The following CEP63 variants were observed in gnomAD, a reference collection of about 807,000 sequenced individuals.
CEP63 encodes centrosomal protein 63, also known as centrosomal protein of 63 kDa.
In CEP63, 84 loss-of-function variants were observed where a neutral mutation model predicts 89.1. That is an observed-to-expected ratio of 0.94 (90% CI 0.79 to 1.13). CEP63 has a LOEUF of 1.13. CEP63 is among the 50% of genes most tolerant of loss of function. The pLI, the probability that CEP63 is intolerant of heterozygous loss-of-function variation, is 0.00. For synonymous variants in CEP63, 267 were observed against 272.5 expected (o/e 0.98, Z 0.20); for missense variants, 838 against 813.3 (o/e 1.03, Z -0.37).
chr3:134,756,687 A>G, the CEP63 span, among the ~76,000 whole-genome samples: 2 of 152,076 alleles, frequency 1.3e-5, no homozygotes, highest in Admixed American at 1.3e-4. Flanking sequence ...TCGTGAGGGG[A>G]GTCTAGTCCT....
the CEP63 span, among the ~76,000 whole-genome samples, chr3:134,704,090 C>G: frequency 8.5e-5 from 13 of 152,214 alleles, no homozygotes; most frequent in African/African-American, 3.1e-4. Context: ...CCATACTTTC[C>G]CAACCGCTGC....
chr3:134,729,079 T>C, the CEP63 span, among the ~76,000 whole-genome samples: 1 of 152,296 alleles, frequency 6.6e-6, no homozygotes, highest in South Asian at 2.1e-4. Context: ...TGTGGTAGGG[T>C]TTATTTTTAA....
intron 3 of CEP63, among the ~76,000 whole-genome samples, chr3:134,507,744 T>A (rs906677335): frequency 6.6e-6 from 1 of 152,062 alleles, no homozygotes; most frequent in African/African-American, 2.4e-5. Context: ...ACGTTTACCA[T>A]GTTGAAAATT....
At chr3:134,677,388 C>G in the CEP63 span, among the ~76,000 whole-genome samples, 1 of 152,244 alleles carries the variant, frequency 6.6e-6, no homozygotes, top group Non-Finnish European at 1.5e-5. Flanking sequence ...CCCTCTTCTT[C>G]TGGGTCCTGC....
intron 10 of CEP63, among the ~76,000 whole-genome samples, chr3:134,580,721 T>C (rs1293226839): frequency 3.3e-5 from 5 of 151,980 alleles, no homozygotes; most frequent in African/African-American, 1.2e-4. Flanking sequence ...CAATATGGGG[T>C]TTATCTCATA....
chr3:134,729,278 G>C, the CEP63 span, among the ~76,000 whole-genome samples: 1 of 152,168 alleles, frequency 6.6e-6, no homozygotes, highest in South Asian at 2.1e-4. Flanking sequence ...TTAAGTTCTT[G>C]TGTATTGTTT....
chr3:134,512,059 C>T (rs904655136), intron 3 of CEP63, among the ~76,000 whole-genome samples: 5 of 152,166 alleles, frequency 3.3e-5, no homozygotes, highest in Admixed American at 3.3e-4. Context: ...AGTACCAAGT[C>T]ATTAAACAGC....
At chr3:134,659,977 C>G in the CEP63 span, among the ~76,000 whole-genome samples, 1 of 152,192 alleles carries the variant, frequency 6.6e-6, no homozygotes, top group Non-Finnish European at 1.5e-5. Context: ...CGTGTGCAGG[C>G]ACAGGACAAG....
the CEP63 span, among the ~76,000 whole-genome samples, chr3:134,618,903 C>A: frequency 6.6e-6 from 1 of 152,132 alleles, no homozygotes; most frequent in South Asian, 2.1e-4. Context: ...TTTTTATAAC[C>A]AAATTATCTC....
Position 134,559,241 on chromosome 3 carries a change from A to G in CEP63, c.1765A>G (p.Ile589Val). ...TCCAAGAGGACAAGCGTCGGATAGTATAAACCCCATGTCTAGGGTGCTAAG... is the reference window on the plus strand; with the variant it reads ...TCCAAGAGGACAAGCGTCGGATAGTGTAAACCCCATGTCTAGGGTGCTAAG... The part of the protein sequence containing the change: ...HSPRGQASDS[I>V]NPMSRVLSPL... The change falls in exon 14 of 15, where the codon ATA becomes GTA. Residue 589 changes from isoleucine to valine, a missense_variant. Coordinates refer to ENST00000675561, the MANE Select transcript of CEP63 (RefSeq NM_001353108.3). 7.4e-6 allele frequency: 12 copies of G among 1,614,220 alleles called. No individual in the cohort carries two copies. The highest frequency in any genetic ancestry group is 1.0e-5 in the Non-Finnish European group (12 of 1,180,036).
chr3:134,690,955 G>A, the CEP63 span, among the ~76,000 whole-genome samples: 1 of 152,070 alleles, frequency 6.6e-6, no homozygotes, highest in Non-Finnish European at 1.5e-5. Flanking sequence ...TGCCATGTTG[G>A]TCAGGCTGGT....
At chr3:134,558,961 T>C (rs747499445) in intron 13 of CEP63, among the ~76,000 whole-genome samples, 189 bp from the exon 14 acceptor site, 29 of 152,158 alleles carry the variant, frequency 1.9e-4, no homozygotes, top group Non-Finnish European at 3.1e-4. Context: ...GGCAGGGACT[T>C]GGTAGTTGGA....
chr3:134,582,879 T>C (rs1228401741), intron 10 of CEP63, among the ~76,000 whole-genome samples: 1 of 152,202 alleles, frequency 6.6e-6, no homozygotes, highest in African/African-American at 2.4e-5. Flanking sequence ...TTCTAACTGG[T>C]GTGAGATGGT....
chr3:134,490,760 A>G (rs779037729), intron 1 of CEP63, among the ~76,000 whole-genome samples: 10 of 151,934 alleles, frequency 6.6e-5, no homozygotes, highest in Non-Finnish European at 1.5e-4. Context: ...CTATCCTTCC[A>G]TTAAAAAAAC....
the CEP63 span, among the ~76,000 whole-genome samples, chr3:134,621,962 A>T: frequency 6.6e-6 from 1 of 152,234 alleles, no homozygotes; most frequent in Non-Finnish European, 1.5e-5. Context: ...ACATAAAAAA[A>T]AGCTCAACAT....
In CEP63 at chr3:134,561,768, C is replaced by A. The variant is rs1476000757; in HGVS notation, c.*233C>A. 4 of 1,335,224 alleles carry A rather than the reference C, an allele frequency of 3.0e-6. No individual in the cohort carries two copies. The South Asian group carries it at 6.6e-5, about 22-fold the overall frequency. The allele number at this position is 1,335,224 out of a possible 1,614,324, so 82.7% of individuals were successfully genotyped here. ...TGAAAGAATAAACCACTTTGCTAGA[C>A]TTTTTTCTCATACGAATATTTATTA... On this transcript the variant is annotated 3_prime_UTR_variant, in exon 15 of 15. Coordinates refer to ENST00000675561, the MANE Select transcript of CEP63 (RefSeq NM_001353108.3).
chr3:134,648,648 G>C, the CEP63 span, among the ~76,000 whole-genome samples: 1 of 152,134 alleles, frequency 6.6e-6, no homozygotes, highest in Non-Finnish European at 1.5e-5. Context: ...TGGCTCTGCA[G>C]CCCAAATTCC....
the CEP63 span, among the ~76,000 whole-genome samples, chr3:134,720,630 T>C: frequency 3.1e-3 from 473 of 152,250 alleles, 3 homozygotes; most frequent in African/African-American, 0.011. Flanking sequence ...TTTGATCCAT[T>C]GATCCATTTT....
the CEP63 span, among the ~76,000 whole-genome samples, chr3:134,641,815 T>G: frequency 6.6e-6 from 1 of 152,182 alleles, no homozygotes; most frequent in Non-Finnish European, 1.5e-5. Context: ...CTTGTCAGGA[T>G]TGTCTGTGTC....
Sources: gnomAD v4.1 joint callset for allele counts (sites outside exome capture counted in the v4.1 genomes callset) on GRCh38, gnomAD v4.1.1 for gene constraint, MANE v1.5 for transcripts, NCBI Gene and HGNC (gene_info 2026-07-23, HGNC 2026-07-21) for gene names.